The following LIN7A variants were observed in gnomAD, a reference collection of about 807,000 sequenced individuals.
LIN7A encodes the protein lin-7 cell polarity scaffold A, also known as protein lin-7 homolog A.
Under a neutral mutation model 29.8 loss-of-function variants are expected in LIN7A, and 25 were observed. The observed-to-expected ratio is 0.84, with a 90% CI of 0.61 to 1.17. The LOEUF (loss-of-function observed/expected upper bound fraction) is 1.17. Among genes scored for constraint, LIN7A ranks in the 50% most tolerant of loss-of-function variants. The pLI is 0.00. For synonymous variants in LIN7A, 118 were observed against 107.5 expected, an observed-to-expected ratio of 1.10 and a Z score of -0.60; for missense variants, 239 against 287.0, an observed-to-expected ratio of 0.83 and a Z score of 1.21.
At chr12:80,857,672 A>G (rs917461382) in intron 2 of LIN7A, among the ~76,000 whole-genome samples, 2 of 152,290 alleles carry the variant, frequency 1.3e-5, no homozygotes, top group Admixed American at 1.3e-4. Flanking sequence ...CTTAAAGCCA[A>G]TTTCTGTGAA....
At chr12:80,882,934 T>A (rs1384627471) in intron 2 of LIN7A, among the ~76,000 whole-genome samples, 3 of 152,152 alleles carry the variant, frequency 2.0e-5, no homozygotes, top group Admixed American at 1.3e-4. Flanking sequence ...TACAAAATGA[T>A]GTGGTCAAGC....
At chr12:80,894,853 C>T (rs1051278025) in intron 1 of LIN7A, among the ~76,000 whole-genome samples, 2 of 152,102 alleles carry the variant, frequency 1.3e-5, no homozygotes, top group Admixed American at 1.3e-4. Flanking sequence ...CAAGAGATTA[C>T]TATTATTTAT....
chr12:80,928,958 A>G (rs1176205284), intron 1 of LIN7A, among the ~76,000 whole-genome samples: 2 of 152,184 alleles, frequency 1.3e-5, no homozygotes, highest in Non-Finnish European at 1.5e-5. Flanking sequence ...TATCTTTTAA[A>G]TAATCCCTGC....
chr12:80,901,773 A>T (rs567984240), intron 1 of LIN7A, among the ~76,000 whole-genome samples: 1 of 152,142 alleles, frequency 6.6e-6, no homozygotes, highest in Non-Finnish European at 1.5e-5. Context: ...TTGATATATA[A>T]TTCTGCTGTA....
chr12:80,937,908 G>T lies in LIN7A; in HGVS notation c.-186C>A. 2.2e-6 allele frequency: 1 copy of T among 449,892 alleles called. No homozygotes were observed. Among genetic ancestry groups the T allele is most frequent in the East Asian group, 3.5e-5 (1 of 28,554 alleles). The allele number at this position is 449,892 out of a possible 1,614,324, so 27.9% of individuals were successfully genotyped here. ...GCGGCAGATCTTCAGTTGCGGTGCG[G>T]AGCTGAGCAGGTATCCGAGAGCGAC... On this transcript the variant is annotated 5_prime_UTR_variant, in exon 1 of 6. Transcript: ENST00000552864.
At chr12:80,863,985 T>A (rs1194353161) in intron 2 of LIN7A, among the ~76,000 whole-genome samples, 1 of 152,162 alleles carries the variant, frequency 6.6e-6, no homozygotes, top group Non-Finnish European at 1.5e-5. Flanking sequence ...GTATCTGGAA[T>A]TTTGTTTTTG....
intron 2 of LIN7A, 105 bp from the exon 3 acceptor site, chr12:80,848,427 AT>A: frequency 1.3e-6 from 1 of 793,256 alleles, no homozygotes; most frequent in South Asian, 1.6e-5. Context: ...AAAATTCTCT[AT>A]TGCAAAATAA....
intron 2 of LIN7A, among the ~76,000 whole-genome samples, chr12:80,858,507 CTTTTT>C (rs11353715): frequency 2.9e-5 from 4 of 139,402 alleles, no homozygotes; most frequent in African/African-American, 1.1e-4. Context: ...GAAGAAATTT[CTTTTT>C]TTTTTTTTTT....
chr12:80,862,175 G>C (rs930350463), intron 2 of LIN7A, among the ~76,000 whole-genome samples: 16 of 152,134 alleles, frequency 1.1e-4, no homozygotes, highest in Non-Finnish European at 4.4e-5. Flanking sequence ...CGAACAGAGA[G>C]TGAGTCACAA....
chr12:80,932,945 T>C (rs1450785239), intron 1 of LIN7A, among the ~76,000 whole-genome samples: 1 of 152,114 alleles, frequency 6.6e-6, no homozygotes, highest in Non-Finnish European at 1.5e-5. Context: ...TAGAGAAGAG[T>C]TGCTATGAAC....
chr12:80,828,910 G>A lies in LIN7A; in HGVS notation c.483+16820C>T, dbSNP rs957268666. Among the ~76,000 whole-genome samples the A allele has an allele frequency of 7.9e-5, 12 of 152,118 alleles. No individual in the cohort carries two copies. The East Asian group carries it at 9.6e-4, about 12-fold the overall frequency. On this transcript the variant is annotated intron_variant, in intron 4 of 5. Transcript: ENST00000552864. Reference sequence around the variant, plus strand: ...CGTGGAGAGAGAGAGGGGCTGGAACGGATTGAGGAAAACAGTTAAAGGGAC... The same window carrying A: ...CGTGGAGAGAGAGAGGGGCTGGAACAGATTGAGGAAAACAGTTAAAGGGAC...
At chr12:80,811,047 G>C (rs1284853855) in intron 5 of LIN7A, among the ~76,000 whole-genome samples, 3 of 152,194 alleles carry the variant, frequency 2.0e-5, no homozygotes. Context: ...ATAAGGTTGT[G>C]CAGTTAATAC....
chr12:80,807,081 T>TTTTTTTTTTTTGTTTG (rs1871063991), intron 5 of LIN7A, among the ~76,000 whole-genome samples: 1 of 135,582 alleles, frequency 7.4e-6, no homozygotes, highest in Non-Finnish European at 1.5e-5. Flanking sequence ...TTTTTTTTTT[T>TTTTTTTTTTTTGTTTG]TTTTTTTTTT....
intron 1 of LIN7A, among the ~76,000 whole-genome samples, chr12:80,932,102 A>G (rs183772505): frequency 1.3e-5 from 2 of 152,366 alleles, no homozygotes; most frequent in Admixed American, 1.3e-4. Flanking sequence ...AGCTGATTAG[A>G]AAACCTATAG....
At chr12:80,832,033 C>G (rs528857065) in intron 4 of LIN7A, among the ~76,000 whole-genome samples, 1 of 152,154 alleles carries the variant, frequency 6.6e-6, no homozygotes, top group East Asian at 1.9e-4. Flanking sequence ...GTTTTGGTTA[C>G]AGACTTTACT....
At chr12:80,848,560 T>C (rs1873184735) in intron 2 of LIN7A, among the ~76,000 whole-genome samples, 2 of 152,086 alleles carry the variant, frequency 1.3e-5, no homozygotes, top group South Asian at 4.1e-4. Context: ...AAATTGTTTC[T>C]TATAAACTTC....
chr12:80,843,104 A>G (rs1017352366), intron 4 of LIN7A, among the ~76,000 whole-genome samples: 1 of 152,210 alleles, frequency 6.6e-6, no homozygotes, highest in Non-Finnish European at 1.5e-5. Flanking sequence ...TGAAATTAGT[A>G]GCCCATTAAC....
chr12:80,804,540 A>T (rs867402272), intron 5 of LIN7A, among the ~76,000 whole-genome samples: 19 of 145,238 alleles, frequency 1.3e-4, no homozygotes, highest in South Asian at 4.4e-4. Flanking sequence ...AAATTACTGA[A>T]TTTTTTTTTT....
intron 2 of LIN7A, among the ~76,000 whole-genome samples, chr12:80,851,071 C>T (rs967095953): frequency 6.6e-6 from 1 of 152,096 alleles, no homozygotes; most frequent in Non-Finnish European, 1.5e-5. Context: ...CTCTTTCAAC[C>T]GTATCAGACT....
Sources: allele counts gnomAD v4.1 joint callset (sites outside exome capture counted in the v4.1 genomes callset), GRCh38; gene constraint gnomAD v4.1.1; transcripts MANE v1.5; gene names NCBI Gene and HGNC (gene_info 2026-07-23, HGNC 2026-07-21).